The following TMEM163 variants were observed in gnomAD, a reference collection of about 807,000 sequenced individuals.
TMEM163 encodes transmembrane protein 163.
A neutral mutation model predicts 29.3 loss-of-function variants in TMEM163; 17 were observed. The ratio of observed to expected loss-of-function variants is 0.58; its 90% CI spans 0.40 to 0.87. TMEM163 has a LOEUF of 0.87. Ranked by LOEUF, TMEM163 falls within the 40% of genes least tolerant of loss-of-function variation. The pLI is 0.00. For missense variants in TMEM163, 303 were observed against 381.5 expected, an observed-to-expected ratio of 0.79 and a Z score of 1.71; for synonymous variants, 157 against 160.6, an observed-to-expected ratio of 0.98 and a Z score of 0.17.
chr2:134,621,089 T>G (rs1017217982), intron 2 of TMEM163, among the ~76,000 whole-genome samples: 2 of 151,940 alleles, frequency 1.3e-5, no homozygotes, highest in African/African-American at 4.9e-5. Flanking sequence ...TCTGATAAAC[T>G]ACTTGCATCC....
At chr2:134,481,065 A>G (rs1284667697) in intron 5 of TMEM163, among the ~76,000 whole-genome samples, 2 of 152,144 alleles carry the variant, frequency 1.3e-5, no homozygotes, top group African/African-American at 2.4e-5. Flanking sequence ...TGGATTTTAT[A>G]TAAGTGGAAT....
intron 2 of TMEM163, among the ~76,000 whole-genome samples, chr2:134,673,645 G>A (rs1392967346): frequency 3.3e-5 from 5 of 152,216 alleles, no homozygotes; most frequent in Admixed American, 3.3e-4. Context: ...CAAGGTAGGA[G>A]AGTGGAAGAA....
chr2:134,486,834 T>C (rs1679324138), intron 5 of TMEM163, among the ~76,000 whole-genome samples: 2 of 151,720 alleles, frequency 1.3e-5, no homozygotes, highest in South Asian at 4.2e-4. Flanking sequence ...AGTCCAGCAA[T>C]AGACTGAAAG....
At chr2:134,718,594 C>T in intron 1 of TMEM163, 140 bp downstream of exon 1, 2 of 539,272 alleles carry the variant, frequency 3.7e-6, no homozygotes, top group Non-Finnish European at 5.0e-6. Context: ...CGGCTAGCGG[C>T]GTTCTCGCCG....
chr2:134,713,095 C>G (rs1387072469), intron 2 of TMEM163, 105 bp downstream of exon 2: 5 of 1,496,758 alleles, frequency 3.3e-6, no homozygotes, highest in Non-Finnish European at 4.5e-6. Flanking sequence ...AAAAAATTTA[C>G]TCATCAATAA....
At chr2:134,713,570 C>T (rs768340557) in intron 1 of TMEM163, 3 of 616,146 alleles carry the variant, frequency 4.9e-6, no homozygotes, top group African/African-American at 1.8e-5. Context: ...TGTCCTCTTT[C>T]GAAGAACTCC....
chr2:134,613,330 A>AC (rs1682545355), intron 2 of TMEM163, among the ~76,000 whole-genome samples: 1 of 152,158 alleles, frequency 6.6e-6, no homozygotes, highest in South Asian at 2.1e-4. Flanking sequence ...TGTAAAAGAT[A>AC]CCCCCAAAAC....
intron 4 of TMEM163, among the ~76,000 whole-genome samples, chr2:134,516,628 TATATATATTC>T: frequency 6.7e-6 from 1 of 148,284 alleles, no homozygotes; most frequent in East Asian, 1.9e-4. Context: ...CATATATTTT[TATATATATTC>T]ATACTTATAT....
At chr2:134,509,833 T>C (rs1679909515) in intron 4 of TMEM163, among the ~76,000 whole-genome samples, 1 of 152,246 alleles carries the variant, frequency 6.6e-6, no homozygotes, top group African/African-American at 2.4e-5. Flanking sequence ...ACGATGGCTC[T>C]GTAGTGCGAC....
chr2:134,693,608 CAAA>C (rs35183610), intron 2 of TMEM163, among the ~76,000 whole-genome samples: 672 of 66,622 alleles, frequency 0.01, 8 homozygotes, highest in African/African-American at 0.023. Flanking sequence ...AAAACTACAT[CAAA>C]AAAAAAAAAA....
intron 2 of TMEM163, among the ~76,000 whole-genome samples, chr2:134,677,980 A>C (rs1684152086): frequency 6.6e-6 from 1 of 152,198 alleles, no homozygotes; most frequent in African/African-American, 2.4e-5. Context: ...GCCCACCCGC[A>C]GCCAAGCACA....
chr2:134,694,164 T>C (rs559577094), intron 2 of TMEM163, among the ~76,000 whole-genome samples: 12 of 152,198 alleles, frequency 7.9e-5, no homozygotes, highest in Non-Finnish European at 1.3e-4. Flanking sequence ...CAGCATACTA[T>C]GTGCTTGCTA....
chr2:134,550,629 C>T lies in TMEM163; in HGVS notation c.399G>A (p.Ala133=), dbSNP rs150621768. Residue 133 remains alanine, a synonymous_variant, in exon 4 of 8, where the codon GCG becomes GCA. Transcript: ENST00000281924. The part of the protein sequence containing the change: ...FDAILDVLSS[A]IVLWRYSNAA... ...CGTTGCTGTAACGCCACAGGACAAT[C>T]GCCGATGACAGGACGTCCAGGATGG... The T allele has an allele frequency of 1.0e-4, 165 of 1,614,158 alleles. 1 individual carries two copies. The African/African-American group carries it at 1.4e-3, about 13-fold the overall frequency.
intron 2 of TMEM163, among the ~76,000 whole-genome samples, chr2:134,708,209 T>G (rs1684859636): frequency 6.6e-6 from 1 of 152,218 alleles, no homozygotes; most frequent in Admixed American, 6.5e-5. Flanking sequence ...TTAAGGCCAC[T>G]GCAACTATTT....
At chr2:134,623,538 C>T (rs908796181) in intron 2 of TMEM163, among the ~76,000 whole-genome samples, 1 of 152,102 alleles carries the variant, frequency 6.6e-6, no homozygotes, top group Non-Finnish European at 1.5e-5. Context: ...GAGGCTGAGG[C>T]GGGCAGATCA....
intron 2 of TMEM163, among the ~76,000 whole-genome samples, chr2:134,593,981 A>G (rs1475706559): frequency 1.3e-5 from 2 of 152,050 alleles, no homozygotes; most frequent in Non-Finnish European, 2.9e-5. Flanking sequence ...GGGTCCTTTA[A>G]TGAAATTTTC....
intron 2 of TMEM163, among the ~76,000 whole-genome samples, chr2:134,655,340 C>T (rs1355400109): frequency 5.9e-5 from 7 of 119,546 alleles, no homozygotes; most frequent in South Asian, 2.8e-4. Flanking sequence ...TTGATCGCAT[C>T]AGCTCCTGAG....
At chr2:134,662,109 G>T (rs1683768290) in intron 2 of TMEM163, among the ~76,000 whole-genome samples, 1 of 151,422 alleles carries the variant, frequency 6.6e-6, no homozygotes, top group Non-Finnish European at 1.5e-5. Flanking sequence ...TTAATTTTTT[G>T]TATTTTTAGT....
intron 2 of TMEM163, among the ~76,000 whole-genome samples, chr2:134,674,260 C>T (rs1276154686): frequency 1.3e-5 from 2 of 152,062 alleles, no homozygotes; most frequent in Non-Finnish European, 1.5e-5. Flanking sequence ...CAGGTATCAG[C>T]CCAGCTTTAT....
Sources: gnomAD v4.1 joint callset for allele counts (sites outside exome capture counted in the v4.1 genomes callset) on GRCh38, gnomAD v4.1.1 for gene constraint, MANE v1.5 for transcripts, NCBI Gene and HGNC (gene_info 2026-07-23, HGNC 2026-07-21) for gene names.